The following MYLK3 variants were observed in gnomAD, a reference collection of about 807,000 sequenced individuals.
MYLK3 encodes MLC kinase.
A neutral mutation model predicts 76.3 loss-of-function variants in MYLK3; 55 were observed. That is an observed-to-expected ratio of 0.72 (90% CI 0.58 to 0.90). MYLK3 has a LOEUF of 0.90. Ranked by LOEUF, MYLK3 falls within the 40% of genes least tolerant of loss-of-function variation. MYLK3 has a pLI of 0.00. For synonymous variants in MYLK3, 416 were observed against 425.4 expected (o/e 0.98, Z 0.27); for missense variants, 973 against 1,053.6 (o/e 0.92, Z 1.06).
chr16:46,723,052 G>A (rs939277914), intron 8 of MYLK3, among the ~76,000 whole-genome samples: 2 of 151,940 alleles, frequency 1.3e-5, no homozygotes, highest in African/African-American at 2.4e-5. Context: ...TCACAGAGTT[G>A]TGTAATGATA....
In MYLK3 at chr16:46,709,541, T is replaced by A; in HGVS notation, c.2398A>T (p.Lys800Ter). 1.2e-6 allele frequency: 2 copies of A among 1,613,426 alleles called. No homozygotes were observed. The highest frequency in any genetic ancestry group is 1.7e-6 in the Non-Finnish European group (2 of 1,179,824). The change falls in exon 12 of 13, where the codon AAG (lysine) becomes TAG (stop). Residue 800 changes from lysine to a stop codon, truncating the protein, a stop_gained and splice_region_variant. Transcript: ENST00000394809. LOFTEE classifies it high-confidence loss of function. ...LQKYIAQRKWKKHFYVVTAAN... is the reference protein window; with the variant it reads ...LQKYIAQRKW ...TTACTAAGAGAAAAACCAAATACCT[T>A]CCATTTTCTTTGAGCTATGTATTTC... is the stretch of plus-strand genomic sequence containing the variant.
chr16:46,729,588 C>T lies in MYLK3; in HGVS notation c.1662+6G>A. 1.2e-6 allele frequency: 2 copies of T among 1,613,374 alleles called. No homozygotes were observed. Among genetic ancestry groups the T allele is most frequent in the Non-Finnish European group, 1.7e-6 (2 of 1,179,572 alleles). On this transcript the variant is annotated splice_donor_region_variant and intron_variant, in intron 6 of 12. Coordinates refer to ENST00000394809, the MANE Select transcript of MYLK3 (RefSeq NM_182493.3). ...CACAGGGACCTGGCCCAGCCAGATGCCTCACCCGGTCCTTGGCGCTCTTCA... is the reference window on the plus strand; with the variant it reads ...CACAGGGACCTGGCCCAGCCAGATGTCTCACCCGGTCCTTGGCGCTCTTCA...
chr16:46,743,386 A>G (rs941195190), intron 1 of MYLK3, among the ~76,000 whole-genome samples: 1 of 152,228 alleles, frequency 6.6e-6, no homozygotes, highest in African/African-American at 2.4e-5. Flanking sequence ...CACGGCGTTC[A>G]GCACTGACGA....
chr16:46,704,123 G>A lies in MYLK3; in HGVS notation c.*3581C>T, dbSNP rs1461631532. 6.6e-6 allele frequency: 1 copy of A among 151,992 alleles called. No homozygotes were observed. The highest frequency in any genetic ancestry group is 1.5e-5 in the Non-Finnish European group (1 of 68,028). The allele number at this position is 151,992 out of a possible 1,614,324, so 9.4% of individuals were successfully genotyped here. ...TGTTTGTTTGTTTGTTTTTTGTCAGGGGTGGGGACAAAGTTTTGCTCTGCC... is the reference window on the plus strand; with the variant it reads ...TGTTTGTTTGTTTGTTTTTTGTCAGAGGTGGGGACAAAGTTTTGCTCTGCC... On this transcript the variant is annotated 3_prime_UTR_variant, in exon 13 of 13. Transcript: ENST00000394809.
At chr16:46,749,696 C>T (rs1022305208), upstream of MYLK3, among the ~76,000 whole-genome samples, 5 of 152,198 alleles carry the variant, frequency 3.3e-5, no homozygotes, top group African/African-American at 9.6e-5. Context: ...GATCCTGCCA[C>T]TACACTCCAG....
intron 3 of MYLK3, among the ~76,000 whole-genome samples, chr16:46,733,662 C>A (rs1485496614): frequency 6.6e-6 from 1 of 152,102 alleles, no homozygotes; most frequent in African/African-American, 2.4e-5. Context: ...GGAATCCAAA[C>A]CCTCTCTCTC....
At chr16:46,750,486 G>C (rs1487434695), upstream of MYLK3, among the ~76,000 whole-genome samples, 1 of 152,010 alleles carries the variant, frequency 6.6e-6, no homozygotes, top group African/African-American at 2.4e-5. Context: ...ACGAGGTCAA[G>C]AGATTGAGAC....
chr16:46,711,262 A>G (rs1966680490), intron 10 of MYLK3, among the ~76,000 whole-genome samples: 1 of 152,194 alleles, frequency 6.6e-6, no homozygotes, highest in South Asian at 2.1e-4. Flanking sequence ...GGCCAGCCTC[A>G]GGGATCTGAA....
Position 46,730,575 on chromosome 16 carries a change from A to G in MYLK3, c.1568+18T>C. The G allele has an allele frequency of 6.2e-7, 1 of 1,607,812 alleles. No homozygotes were observed. The highest frequency in any genetic ancestry group is 8.5e-7 in the Non-Finnish European group (1 of 1,174,486). On this transcript the variant is annotated intron_variant, in intron 5 of 12. Transcript: ENST00000394809. ...ACTCCTGCTCTAAGCCCCCCAACCA[A>G]GGCAGATGCCCACCTACCCTCCCAA...
At chr16:46,708,245 T>G (rs1412261478) in intron 12 of MYLK3, among the ~76,000 whole-genome samples, 1 of 152,150 alleles carries the variant, frequency 6.6e-6, no homozygotes, top group African/African-American at 2.4e-5. Context: ...ACATGAAAAA[T>G]GGAGCACCCT....
At chr16:46,724,622 T>C in intron 8 of MYLK3, among the ~76,000 whole-genome samples, 1 of 152,272 alleles carries the variant, frequency 6.6e-6, no homozygotes, top group East Asian at 1.9e-4. Context: ...TAATGGTTTA[T>C]GTCTAGACTC....
rs1966863210 is a variant in MYLK3, at chr16:46,735,296, C to A, written c.1001+2415G>T. On this transcript the variant is annotated intron_variant, in intron 3 of 12. Coordinates refer to ENST00000394809, the MANE Select transcript of MYLK3 (RefSeq NM_182493.3). ...TCTTGGCTCACCGCAACCTCCGCCT[C>A]CCAGGTTCAAGAGATTCTCCTGCCT... is the stretch of plus-strand genomic sequence containing the variant. 2.0e-5 allele frequency among the ~76,000 whole-genome samples: 3 copies of A among 152,182 alleles called. No homozygotes were observed. In the South Asian group the frequency reaches 6.2e-4, roughly 32 times the overall value.
intron 10 of MYLK3, 77 bp downstream of exon 10, chr16:46,712,571 A>C (rs1179384575): frequency 7.5e-7 from 1 of 1,339,860 alleles, no homozygotes; most frequent in African/African-American, 1.5e-5. Flanking sequence ...TGTGCTCAAA[A>C]TTTTGCTTCT....
rs754029191 is a variant in MYLK3, at chr16:46,729,008, C to T, written c.1772+16G>A. The T allele has an allele frequency of 1.7e-5, 27 of 1,604,920 alleles. No homozygotes were observed. Among genetic ancestry groups the T allele is most frequent in the African/African-American group, 8.0e-5 (6 of 74,866 alleles). ...CTGGCTTGAGCCGAGGCGGCCGCCC[C>T]GCCTCTGATACTCACTACTCCATGA... On this transcript the variant is annotated intron_variant, in intron 7 of 12. Transcript: ENST00000394809.
At chr16:46,737,111 G>A (rs1966872008) in intron 3 of MYLK3, among the ~76,000 whole-genome samples, 1 of 152,240 alleles carries the variant, frequency 6.6e-6, no homozygotes, top group Non-Finnish European at 1.5e-5. Flanking sequence ...ATGCCGACTT[G>A]AGGAAGCAGG....
intron 3 of MYLK3, among the ~76,000 whole-genome samples, chr16:46,736,752 G>A (rs913337304): frequency 2.6e-5 from 4 of 152,194 alleles, no homozygotes; most frequent in African/African-American, 9.6e-5. Context: ...TGGGTTCTCC[G>A]TGACAGGTCA....
Position 46,738,015 on chromosome 16 carries a change from C to A in MYLK3, c.697G>T (p.Ala233Ser). Reference protein sequence around the residue: ...PGQGDGVPGPAQAFPGHLPLP... With the variant: ...PGQGDGVPGPSQAFPGHLPLP... ...GGCAGGTGGCCAGGGAATGCCTGGGCTGGGCCAGGAACACCATCTCCCTGG... is the reference window on the plus strand; with the variant it reads ...GGCAGGTGGCCAGGGAATGCCTGGGATGGGCCAGGAACACCATCTCCCTGG... The change falls in exon 3 of 13, where the codon GCC becomes TCC. Residue 233 changes from alanine (A) to serine (S), a missense_variant. This residue lies in a region of MYLK3 where 641 missense variants were observed against 637.0 expected (regional missense o/e 1.01). Transcript: ENST00000394809. 1 of 1,613,258 alleles carries A rather than the reference C, an allele frequency of 6.2e-7. No homozygotes were observed. The highest frequency in any genetic ancestry group is 8.5e-7 in the Non-Finnish European group (1 of 1,179,972).
At chr16:46,712,607 A>T in intron 10 of MYLK3, 41 bp downstream of exon 10, 3 of 1,385,254 alleles carry the variant, frequency 2.2e-6, no homozygotes, top group Non-Finnish European at 1.9e-6. Flanking sequence ...AAGACAAATG[A>T]CCCCTGTCCC....
At chr16:46,738,441 G>T (rs1966884186) in intron 2 of MYLK3, among the ~76,000 whole-genome samples, 2 of 152,216 alleles carry the variant, frequency 1.3e-5, no homozygotes, top group South Asian at 4.1e-4. Context: ...ACATGTGCCT[G>T]CAATCCCAGC....
Sources: allele counts gnomAD v4.1 joint callset (sites outside exome capture counted in the v4.1 genomes callset), GRCh38; gene constraint gnomAD v4.1.1; regional missense constraint gnomAD v4.1.1; transcripts MANE v1.5; gene names NCBI Gene and HGNC (gene_info 2026-07-23, HGNC 2026-07-21).